DCAF6: variants seen among roughly 807,000 people sequenced by gnomAD.
DCAF6 encodes the protein DDB1 and CUL4 associated factor 6, also known as DDB1- and CUL4-associated factor 6.
A neutral mutation model predicts 125.1 loss-of-function variants in DCAF6; 54 were observed. The observed-to-expected ratio is 0.43, with a 90% CI of 0.35 to 0.54. The LOEUF is 0.54. DCAF6 is among the 20% of genes least tolerant of loss of function. The probability of loss-of-function intolerance (pLI) is 0.01; values close to 1 mark genes in which losing one functional copy is unlikely to be tolerated. For missense variants in DCAF6, 934 were observed against 1,161.7 expected (o/e 0.80, Z 2.85); for synonymous variants, 371 against 390.4 (o/e 0.95, Z 0.58).
chr1:167,866,820 T>C, the DCAF6 span, among the ~76,000 whole-genome samples: 1 of 150,542 alleles, frequency 6.6e-6, no homozygotes, highest in Admixed American at 6.6e-5. Flanking sequence ...ACCCAGACTG[T>C]AGGGCTCTGG....
the DCAF6 span, chr1:167,878,544 G>T: frequency 8.7e-6 from 14 of 1,614,136 alleles, no homozygotes; most frequent in Non-Finnish European, 1.2e-5. Context: ...ACGCTGGTAG[G>T]TTGCTCCCAT....
chr1:167,998,804 C>A (rs763788204), intron 7 of DCAF6: 1 of 153,064 alleles, frequency 6.5e-6, no homozygotes, highest in Non-Finnish European at 1.5e-5. Context: ...AATTCTAGTT[C>A]TTTTGTTGTT....
the DCAF6 span, among the ~76,000 whole-genome samples, chr1:167,884,694 A>ATTTT: frequency 1.1e-4 from 12 of 108,620 alleles, no homozygotes; most frequent in South Asian, 6.1e-4. Flanking sequence ...AATCATTTTA[A>ATTTT]TTTTTTTTTT....
At chr1:167,905,344 C>A in the DCAF6 span, 1 of 670,876 alleles carries the variant, frequency 1.5e-6, no homozygotes, top group Non-Finnish European at 2.6e-6. Flanking sequence ...TCAAAAGGGC[C>A]AATTTCTATA....
intron 1 of DCAF6, among the ~76,000 whole-genome samples, chr1:167,948,236 T>C (rs1673385617): frequency 6.6e-6 from 1 of 152,046 alleles, no homozygotes; most frequent in Non-Finnish European, 1.5e-5. Context: ...AATGTTGCCA[T>C]GGTGGAGACC....
chr1:167,874,998 T>G, the DCAF6 span: 1 of 845,406 alleles, frequency 1.2e-6, no homozygotes, highest in Non-Finnish European at 2.0e-6. Flanking sequence ...ATTTTTCTAT[T>G]TCTTAACCTG....
intron 3 of DCAF6, among the ~76,000 whole-genome samples, chr1:167,972,362 A>C (rs1201271610): frequency 6.6e-6 from 1 of 152,236 alleles, no homozygotes; most frequent in East Asian, 1.9e-4. Context: ...TTCATTAATA[A>C]ATTAGAGAGT....
intron 2 of DCAF6, among the ~76,000 whole-genome samples, chr1:167,960,691 T>G (rs902131984): frequency 1.3e-5 from 2 of 152,202 alleles, no homozygotes; most frequent in Admixed American, 1.3e-4. Context: ...GAGTAGACAC[T>G]GTATGATTTT....
chr1:167,891,528 C>T, the DCAF6 span, among the ~76,000 whole-genome samples: 1 of 151,496 alleles, frequency 6.6e-6, no homozygotes. Flanking sequence ...TGGTGGCGGG[C>T]GCCTGTAGTC....
intron 2 of DCAF6, among the ~76,000 whole-genome samples, chr1:167,960,328 T>C (rs1013684122): frequency 6.6e-6 from 1 of 152,100 alleles, no homozygotes; most frequent in Non-Finnish European, 1.5e-5. Flanking sequence ...AGATGGAGTC[T>C]CGGCCTCTTG....
the DCAF6 span, among the ~76,000 whole-genome samples, chr1:167,887,281 G>T: frequency 1.3e-5 from 2 of 152,166 alleles, no homozygotes; most frequent in African/African-American, 2.4e-5. Flanking sequence ...CAATAGCAAA[G>T]ACCTGGAACC....
At chr1:167,928,269 A>G in the DCAF6 span, among the ~76,000 whole-genome samples, 1 of 151,646 alleles carries the variant, frequency 6.6e-6, no homozygotes, top group Non-Finnish European at 1.5e-5. Context: ...AATGGCGTGA[A>G]GCCGGGAGGT....
chr1:168,006,400 T>G (rs1364858433), intron 10 of DCAF6, among the ~76,000 whole-genome samples: 1 of 152,134 alleles, frequency 6.6e-6, no homozygotes, highest in African/African-American at 2.4e-5. Context: ...TTGAGAGAAT[T>G]TTGGTTGACT....
At chr1:167,908,355 C>A in the DCAF6 span, among the ~76,000 whole-genome samples, 4 of 151,934 alleles carry the variant, frequency 2.6e-5, no homozygotes, top group Admixed American at 6.6e-5. Context: ...CTAAAAAAGT[C>A]AAAATCATAG....
the DCAF6 span, among the ~76,000 whole-genome samples, chr1:167,898,140 TA>T: frequency 4.6e-5 from 7 of 151,706 alleles, no homozygotes; most frequent in Non-Finnish European, 8.8e-5. Flanking sequence ...CATAGTATTG[TA>T]CCAATGTTAA....
chr1:167,935,869 G>T (rs1202842754), upstream of DCAF6: 2 of 1,516,616 alleles, frequency 1.3e-6, no homozygotes, highest in Non-Finnish European at 1.8e-6. Flanking sequence ...TGGCAGCCGG[G>T]TGGGAGCGTG....
chr1:167,945,780 G>A (rs747367665), intron 1 of DCAF6, among the ~76,000 whole-genome samples: 41 of 150,386 alleles, frequency 2.7e-4, no homozygotes, highest in Non-Finnish European at 5.0e-4. Context: ...GATTACAGGC[G>A]TGAGCCACCA....
intron 1 of DCAF6, among the ~76,000 whole-genome samples, chr1:167,946,547 T>C (rs1673115103): frequency 2.0e-5 from 3 of 152,216 alleles, no homozygotes; most frequent in Non-Finnish European, 4.4e-5. Context: ...ATGATCTTTC[T>C]GTGCCTAGTT....
chr1:168,073,859 G>C (rs1336817761), intron 21 of DCAF6, among the ~76,000 whole-genome samples: 2 of 149,952 alleles, frequency 1.3e-5, no homozygotes, highest in Non-Finnish European at 3.0e-5. Context: ...ATATCCCTTA[G>C]GTAGCCTTTT....
Sources: allele counts gnomAD v4.1 joint callset (sites outside exome capture counted in the v4.1 genomes callset), GRCh38; gene constraint gnomAD v4.1.1; transcripts MANE v1.5; gene names NCBI Gene and HGNC (gene_info 2026-07-23, HGNC 2026-07-21).